MAPKAP1: variants seen among roughly 807,000 people sequenced by gnomAD.
The protein encoded by MAPKAP1 is target of rapamycin complex 2 subunit MAPKAP1.
In MAPKAP1, 20 loss-of-function variants were observed where a neutral mutation model predicts 65.7. The observed-to-expected ratio is 0.30, with a 90% CI of 0.21 to 0.44. The LOEUF is 0.44. Among genes scored for constraint, MAPKAP1 ranks in the 20% least tolerant of loss-of-function variants. The pLI is 1.00. For missense variants in MAPKAP1, 423 were observed against 648.0 expected (o/e 0.65, Z 3.77); for synonymous variants, 222 against 244.3 (o/e 0.91, Z 0.85).
At chr9:125,579,582 C>CGG (rs1449841749) in intron 5 of MAPKAP1, among the ~76,000 whole-genome samples, 1 of 152,152 alleles carries the variant, frequency 6.6e-6, no homozygotes, top group Non-Finnish European at 1.5e-5. Context: ...TGTGAGCAAC[C>CGG]GTGCCCGGCC....
rs185483702 is a variant in MAPKAP1, at chr9:125,454,674, G to A, written c.1346-10076C>T. On this transcript the variant is annotated intron_variant, in intron 10 of 11. Transcript: ENST00000265960. The stretch of plus-strand genomic sequence containing the variant: ...TGAGTTTTTGGAATGCTCTTTAATA[G>A]TTTTTGTTTAGTTTTATTTTTGGTC... Among the ~76,000 whole-genome samples the A allele has an allele frequency of 9.2e-5, 14 of 152,182 alleles. 1 individual carries two copies. The highest frequency in any genetic ancestry group is 8.5e-4 in the Admixed American group (13 of 15,290).
chr9:125,586,899 A>AGCC (rs1453600389), intron 4 of MAPKAP1, among the ~76,000 whole-genome samples: 4 of 152,220 alleles, frequency 2.6e-5, no homozygotes, highest in African/African-American at 9.7e-5. Context: ...GCCACCACTA[A>AGCC]GCCAGCTGCT....
intron 8 of MAPKAP1, among the ~76,000 whole-genome samples, chr9:125,503,517 C>T (rs771783604): frequency 1.3e-5 from 2 of 152,132 alleles, no homozygotes; most frequent in Non-Finnish European, 2.9e-5. Context: ...TTTAAGTTAC[C>T]TTCAGTGGAA....
rs1001994198 is a variant in MAPKAP1, at chr9:125,606,492, T to C, written c.499-20765A>G. Among the ~76,000 whole-genome samples the C allele has an allele frequency of 2.0e-5, 3 of 152,260 alleles. No homozygotes were observed. The East Asian group carries it at 5.8e-4, about 29-fold the overall frequency. ...GTCATGTGATCCCATTTACCCTCAG[T>C]TTCCTCCCCTATAAAGGATTTTAGC... is the stretch of plus-strand genomic sequence containing the variant. On this transcript the variant is annotated intron_variant, in intron 4 of 11. Transcript: ENST00000265960.
At chr9:125,519,083 G>C (rs1050754960) in intron 7 of MAPKAP1, among the ~76,000 whole-genome samples, 1 of 152,122 alleles carries the variant, frequency 6.6e-6, no homozygotes, top group Non-Finnish European at 1.5e-5. Flanking sequence ...CCAGACTAGG[G>C]AAGACTGTGG....
At chr9:125,523,923 T>C (rs1054227766) in intron 7 of MAPKAP1, among the ~76,000 whole-genome samples, 16 of 152,250 alleles carry the variant, frequency 1.1e-4, no homozygotes, top group Non-Finnish European at 1.8e-4. Flanking sequence ...CCTTCAGAGA[T>C]TGGCTCCACC....
intron 8 of MAPKAP1, among the ~76,000 whole-genome samples, chr9:125,504,746 T>C (rs972523783): frequency 1.3e-5 from 2 of 152,028 alleles, no homozygotes; most frequent in African/African-American, 4.8e-5. Context: ...TGAGCCTAGA[T>C]CACACTACCG....
intron 1 of MAPKAP1, among the ~76,000 whole-genome samples, chr9:125,681,009 TAAC>T (rs541863835): frequency 1.3e-3 from 196 of 152,362 alleles, no homozygotes; most frequent in African/African-American, 4.6e-3. Flanking sequence ...ACTTTTCATG[TAAC>T]AACATATTTA....
intron 4 of MAPKAP1, among the ~76,000 whole-genome samples, chr9:125,588,407 A>C (rs1390005545): frequency 2.6e-5 from 4 of 152,192 alleles, no homozygotes; most frequent in Non-Finnish European, 4.4e-5. Flanking sequence ...ACGGGGTGGG[A>C]AATTGGGAGG....
In MAPKAP1 at chr9:125,539,992, T is replaced by C. The variant is rs185540440; in HGVS notation, c.958+3067A>G. 5.0e-3 allele frequency among the ~76,000 whole-genome samples: 758 copies of C among 152,192 alleles called. 5 individuals are homozygous for C. Among genetic ancestry groups the C allele is most frequent in the Admixed American group, 7.1e-3 (109 of 15,290 alleles). ...TATATTCTTTTCATATGAATATTAA[T>C]AGAAAAAAAACCCATGCAGTGTTCA... On this transcript the variant is annotated intron_variant, in intron 7 of 11. Transcript: ENST00000265960.
chr9:125,588,907 C>A (rs1444974911), intron 4 of MAPKAP1, among the ~76,000 whole-genome samples: 1 of 152,208 alleles, frequency 6.6e-6, no homozygotes, highest in Non-Finnish European at 1.5e-5. Context: ...TTCGGCTATA[C>A]CGGCCTTCTG....
At chr9:125,561,942 A>T (rs551150484) in intron 5 of MAPKAP1, among the ~76,000 whole-genome samples, 30 of 152,316 alleles carry the variant, frequency 2.0e-4, no homozygotes, top group African/African-American at 4.1e-4. Context: ...TGTACACACA[A>T]CTGTAATGGG....
At chr9:125,598,795 T>A (rs1181911258) in intron 4 of MAPKAP1, among the ~76,000 whole-genome samples, 1 of 152,052 alleles carries the variant, frequency 6.6e-6, no homozygotes, top group East Asian at 1.9e-4. Flanking sequence ...ATCCCAGTAC[T>A]TTGGGAGGCT....
At chr9:125,544,699 C>T (rs529835246) in intron 6 of MAPKAP1, among the ~76,000 whole-genome samples, 1 of 152,298 alleles carries the variant, frequency 6.6e-6, no homozygotes, top group East Asian at 1.9e-4. Flanking sequence ...GGAGTTTGGT[C>T]GCATTCCCAT....
chr9:125,617,023 G>GC (rs1356952547), intron 4 of MAPKAP1, among the ~76,000 whole-genome samples: 2 of 152,066 alleles, frequency 1.3e-5, no homozygotes, highest in Non-Finnish European at 2.9e-5. Context: ...CACTTAATAT[G>GC]CATGTTATGT....
chr9:125,596,425 T>C, intron 4 of MAPKAP1: 1 of 797,956 alleles, frequency 1.3e-6, no homozygotes, highest in Non-Finnish European at 2.2e-6. Flanking sequence ...GGAAGCAATT[T>C]TGGAGGGTGG....
chr9:125,621,201 G>GGTGGAGGATCACTTGAGCCTGTGAA (rs1832888031), intron 4 of MAPKAP1, among the ~76,000 whole-genome samples: 1 of 152,076 alleles, frequency 6.6e-6, no homozygotes, highest in Non-Finnish European at 1.5e-5. Context: ...GAGCCTGTGA[G>GGTGGAGGATCACTTGAGCCTGTGAA]GTTGAGGCTG....
At chr9:125,640,310 A>G (rs1047594346) in intron 4 of MAPKAP1, among the ~76,000 whole-genome samples, 1 of 151,958 alleles carries the variant, frequency 6.6e-6, no homozygotes, top group African/African-American at 2.4e-5. Context: ...TCATCGTGTT[A>G]GCCAGGATGG....
chr9:125,452,923 A>G (rs1853009899), intron 10 of MAPKAP1, among the ~76,000 whole-genome samples: 1 of 152,182 alleles, frequency 6.6e-6, no homozygotes, highest in South Asian at 2.1e-4. Flanking sequence ...AAAAGAAAAT[A>G]AATGAAATTA....
Sources: allele counts gnomAD v4.1 joint callset (sites outside exome capture counted in the v4.1 genomes callset), GRCh38; gene constraint gnomAD v4.1.1; transcripts MANE v1.5; gene names NCBI Gene and HGNC (gene_info 2026-07-23, HGNC 2026-07-21).